RTP2: variants seen among roughly 807,000 people sequenced by gnomAD.
RTP2 encodes receptor-transporting protein 2.
RTP2 carries 12 observed loss-of-function variants against 17.9 expected under a neutral mutation model. That is an observed-to-expected ratio of 0.67 (90% CI 0.43 to 1.09). RTP2 has a LOEUF of 1.09. RTP2 is among the 50% of genes least tolerant of loss of function. The pLI, the probability that RTP2 is intolerant of heterozygous loss-of-function variation, is 0.00. For synonymous variants in RTP2, 126 were observed against 117.7 expected, an observed-to-expected ratio of 1.07 and a Z score of -0.46; for missense variants, 327 against 295.7, an observed-to-expected ratio of 1.11 and a Z score of -0.78.
chr3:187,710,314 G>A, the RTP2 span, among the ~76,000 whole-genome samples: 2 of 151,240 alleles, frequency 1.3e-5, no homozygotes, highest in Non-Finnish European at 1.5e-5. Flanking sequence ...AAGACTGTGA[G>A]ACTTTTCAAC....
At chr3:187,700,624 C>T (rs1179856213) in intron 1 of RTP2, among the ~76,000 whole-genome samples, 5 of 152,236 alleles carry the variant, frequency 3.3e-5, no homozygotes, top group African/African-American at 1.2e-4. Flanking sequence ...TTACATCAAA[C>T]CAACCCAGAA....
the RTP2 span, among the ~76,000 whole-genome samples, chr3:187,711,398 A>G: frequency 1.3e-5 from 2 of 152,214 alleles, no homozygotes; most frequent in African/African-American, 4.8e-5. Flanking sequence ...CTCTCCGGTT[A>G]GAAGTAAACT....
Position 187,699,762 on chromosome 3 carries a change from CACACACACACACACACACACATAT to C in RTP2, c.165-775_165-752del, listed in dbSNP as rs760019458. ...ACACACACACACACACACACACACACACACACACACACACACACACATATATTTTCTCTCTCTCTCTTACATGCA... is the reference window on the plus strand; with the variant it reads ...ACACACACACACACACACACACACACATTTTCTCTCTCTCTCTTACATGCA... On this transcript the variant is annotated intron_variant, in intron 1 of 1. Coordinates refer to ENST00000358241, the Ensembl canonical transcript of RTP2. Among the ~76,000 whole-genome samples the C allele has an allele frequency of 2.5e-4, 17 of 69,140 alleles. No individual in the cohort carries two copies. In the East Asian group the frequency reaches 4.3e-3, roughly 17 times the overall value. 45.4% of individuals were successfully genotyped at this position (69,140 alleles called of 152,430 possible). A position where few individuals can be genotyped will look rare whatever the true frequency, so the allele number is the denominator to read the frequency against.
At chr3:187,713,135 G>A in the RTP2 span, among the ~76,000 whole-genome samples, 6 of 152,212 alleles carry the variant, frequency 3.9e-5, no homozygotes, top group African/African-American at 1.4e-4. Flanking sequence ...GCAGGGAGGA[G>A]ATTGAGATGT....
chr3:187,698,300 CAATT>C (rs1717738415), exon 2 of RTP2: 1 of 575,180 alleles, frequency 1.7e-6, no homozygotes, highest in Non-Finnish European at 3.0e-6. Context: ...CCCCTTCCCC[CAATT>C]ATTGTCACAT....
the RTP2 span, among the ~76,000 whole-genome samples, chr3:187,715,148 A>G: frequency 6.6e-6 from 1 of 152,152 alleles, no homozygotes; most frequent in African/African-American, 2.4e-5. Context: ...ATCCCTCGCC[A>G]TGATTAAAAT....
chr3:187,701,472 A>G lies in RTP2; in HGVS notation c.164+493T>C, dbSNP rs77266784. Among the ~76,000 whole-genome samples the G allele has an allele frequency of 1.8e-4, 28 of 152,376 alleles. No homozygotes were observed. The East Asian group carries it at 5.4e-3, about 29-fold the overall frequency. ...AAAGGGAAACAGACTTGCCAAGTTTACAAGGCTACTTAGCTATATAGAGCC... is the reference window on the plus strand; with the variant it reads ...AAAGGGAAACAGACTTGCCAAGTTTGCAAGGCTACTTAGCTATATAGAGCC... On this transcript the variant is annotated intron_variant, in intron 1 of 1. Transcript: ENST00000358241.
At chr3:187,701,240 G>A (rs576499624) in intron 1 of RTP2, among the ~76,000 whole-genome samples, 3 of 152,172 alleles carry the variant, frequency 2.0e-5, no homozygotes, top group African/African-American at 4.8e-5. Flanking sequence ...AGACGGCCTC[G>A]TCCCCTTGGC....
chr3:187,715,643 T>C, the RTP2 span: 1 of 456,692 alleles, frequency 2.2e-6, no homozygotes, highest in Non-Finnish European at 4.4e-6. Context: ...ATCAGAATTC[T>C]CACCACTGGT....
chr3:187,709,122 T>C, the RTP2 span, among the ~76,000 whole-genome samples: 3 of 152,248 alleles, frequency 2.0e-5, no homozygotes, highest in African/African-American at 7.2e-5. Flanking sequence ...CCCTTCATTT[T>C]TTCCAAGTTA....
chr3:187,711,907 C>A, the RTP2 span, among the ~76,000 whole-genome samples: 1 of 152,130 alleles, frequency 6.6e-6, no homozygotes, highest in Non-Finnish European at 1.5e-5. Flanking sequence ...CTTATATATT[C>A]CATTTATAGA....
At chr3:187,700,421 C>T (rs1717815756) in intron 1 of RTP2, among the ~76,000 whole-genome samples, 1 of 152,236 alleles carries the variant, frequency 6.6e-6, no homozygotes, top group South Asian at 2.1e-4. Flanking sequence ...TTCAGCTCTT[C>T]CTGAGGCCAG....
At chr3:187,702,205 A>G in exon 1 of RTP2, 1 of 1,402,660 alleles carries the variant, frequency 7.1e-7, no homozygotes, top group South Asian at 1.3e-5. Context: ...GTACGGGACA[A>G]TTCAGTGTCT....
chr3:187,710,702 G>C, the RTP2 span, among the ~76,000 whole-genome samples: 1 of 151,880 alleles, frequency 6.6e-6, no homozygotes. Flanking sequence ...GGACAACCCG[G>C]ATTAATACAC....
At chr3:187,698,854 T>C (rs751331595) in exon 2 of RTP2, 2 of 1,613,088 alleles carry the variant, frequency 1.2e-6, no homozygotes, top group South Asian at 2.2e-5. Flanking sequence ...TCCAGCATGC[T>C]GGACTCGTCC....
the RTP2 span, among the ~76,000 whole-genome samples, chr3:187,711,186 A>AG: frequency 2.7e-3 from 410 of 152,270 alleles, 4 homozygotes; most frequent in African/African-American, 9.3e-3. Flanking sequence ...GGTGGTGTCC[A>AG]GGGGTGTCTA....
At chr3:187,706,663 C>T (rs190171699), upstream of RTP2, among the ~76,000 whole-genome samples, 9 of 152,196 alleles carry the variant, frequency 5.9e-5, no homozygotes, top group South Asian at 2.1e-4. Context: ...AGTGCAATGG[C>T]GTGATCTCGG....
chr3:187,704,355 T>C (rs934312403), upstream of RTP2, among the ~76,000 whole-genome samples: 6 of 152,140 alleles, frequency 3.9e-5, no homozygotes, highest in African/African-American at 1.4e-4. Context: ...GACAAAGTAA[T>C]GAAGAGTTGA....
intron 1 of RTP2, among the ~76,000 whole-genome samples, chr3:187,699,350 G>T (rs771588292): frequency 1.3e-5 from 2 of 152,156 alleles, no homozygotes; most frequent in Non-Finnish European, 2.9e-5. Context: ...CCCTCTCTGG[G>T]CTTCATTTCT....
Sources: allele counts gnomAD v4.1 joint callset (sites outside exome capture counted in the v4.1 genomes callset), GRCh38; gene constraint gnomAD v4.1.1; transcripts MANE v1.5; gene names NCBI Gene and HGNC (gene_info 2026-07-23, HGNC 2026-07-21).